Variants in KIAA1549 observed in about 807,000 individuals in gnomAD.
KIAA1549 encodes the protein UPF0606 protein KIAA1549.
KIAA1549 carries 70 observed loss-of-function variants against 156.4 expected under a neutral mutation model. That is an observed-to-expected ratio of 0.45 (90% CI 0.37 to 0.55). KIAA1549 has a LOEUF of 0.55. Among genes scored for constraint, KIAA1549 ranks in the 20% least tolerant of loss-of-function variants. KIAA1549 has a pLI of 0.00. For missense variants in KIAA1549, 2,428 were observed against 2,540.9 expected (o/e 0.96, Z 0.96); for synonymous variants, 1,103 against 1,066.4 (o/e 1.03, Z -0.67).
At chr7:138,892,778 G>T (rs568212518) in intron 10 of KIAA1549, among the ~76,000 whole-genome samples, 1 of 152,106 alleles carries the variant, frequency 6.6e-6, no homozygotes, top group Admixed American at 6.5e-5. Flanking sequence ...CATTCGACAG[G>T]TCTAGGTTTG....
At chr7:138,979,539 C>A (rs1428487532) in intron 1 of KIAA1549, among the ~76,000 whole-genome samples, 1 of 152,162 alleles carries the variant, frequency 6.6e-6, no homozygotes, top group East Asian at 1.9e-4. Flanking sequence ...CAACATCTGG[C>A]ACACAAAAAG....
chr7:138,905,459 G>C (rs11760391), intron 6 of KIAA1549, among the ~76,000 whole-genome samples: 23,388 of 152,230 alleles, frequency 0.15, 2,117 homozygotes, highest in Middle Eastern at 0.26. Context: ...CCCAGGACCA[G>C]CCAGTGTGCC....
At chr7:138,923,924 T>C (rs1469267574) in intron 1 of KIAA1549, among the ~76,000 whole-genome samples, 1 of 152,196 alleles carries the variant, frequency 6.6e-6, no homozygotes, top group Non-Finnish European at 1.5e-5. Flanking sequence ...AAACCACATA[T>C]AAAATGCTTA....
chr7:138,927,141 C>T (rs1812741942), intron 1 of KIAA1549, among the ~76,000 whole-genome samples: 1 of 152,142 alleles, frequency 6.6e-6, no homozygotes, highest in South Asian at 2.1e-4. Context: ...CTTTTTTGTA[C>T]ATAATTTTTT....
At chr7:138,844,606 G>T (rs1810020959) in intron 17 of KIAA1549, 132 bp from the exon 18 acceptor site, 2 of 835,934 alleles carry the variant, frequency 2.4e-6, no homozygotes, top group Non-Finnish European at 3.4e-6. Flanking sequence ...TCTCCTGGAA[G>T]GGGAAGAGAT....
At chr7:138,932,617 G>A (rs1812903283) in intron 1 of KIAA1549, among the ~76,000 whole-genome samples, 1 of 152,200 alleles carries the variant, frequency 6.6e-6, no homozygotes, top group South Asian at 2.1e-4. Flanking sequence ...GGGGCAAGAG[G>A]AGATGTAGAG....
chr7:138,917,206 G>A lies in KIAA1549; in HGVS notation c.2420C>T (p.Thr807Ile), dbSNP rs1042370465. The A allele has an allele frequency of 1.5e-5, 25 of 1,613,884 alleles. No homozygotes were observed. The highest frequency in any genetic ancestry group is 5.3e-5 in the African/African-American group (4 of 74,944). ...GATTTGGTCGTCAGGAGGTGTCAGAGTTGAGAACAAAGAAGACTCAGTTAA... is the reference window on the plus strand; with the variant it reads ...GATTTGGTCGTCAGGAGGTGTCAGAATTGAGAACAAAGAAGACTCAGTTAA... ...PILTESSLFS[T>I]LTPPDDQISA... The change falls in exon 2 of 20, where the codon ACT becomes ATT. Residue 807 changes from threonine (T) to isoleucine (I), a missense_variant. This residue lies in a region of KIAA1549 where 762 missense variants were observed against 901.6 expected (regional missense o/e 0.85). Coordinates refer to ENST00000422774, the MANE Select transcript of KIAA1549 (RefSeq NM_001164665.2).
intron 15 of KIAA1549, among the ~76,000 whole-genome samples, chr7:138,867,499 G>A (rs556832379): frequency 1.3e-5 from 2 of 151,562 alleles, no homozygotes; most frequent in South Asian, 2.1e-4. Flanking sequence ...AGGCTACAGT[G>A]AGCCTGGATC....
At chr7:138,898,028 G>A (rs140179302) in intron 9 of KIAA1549, among the ~76,000 whole-genome samples, 3 of 151,692 alleles carry the variant, frequency 2.0e-5, no homozygotes, top group African/African-American at 4.8e-5. Flanking sequence ...AGGTGGGGCC[G>A]GGTGCAGTGG....
In KIAA1549 at chr7:138,960,707, C is replaced by T. The variant is rs533205047; in HGVS notation, c.187+20376G>A. Reference sequence around the variant, plus strand: ...CCCCAGGCTGGAGCCCAGGCTGCCACGGCAGGCACCTCACAGAAGCGTATC... The same window carrying T: ...CCCCAGGCTGGAGCCCAGGCTGCCATGGCAGGCACCTCACAGAAGCGTATC... On this transcript the variant is annotated intron_variant, in intron 1 of 19. Transcript: ENST00000422774. Among the ~76,000 whole-genome samples, 6 of 151,520 alleles carry T rather than the reference C, an allele frequency of 4.0e-5. No homozygotes were observed. In the South Asian group the frequency reaches 8.3e-4, roughly 21 times the overall value.
At position 138,836,056 on chromosome 7, in the gene KIAA1549, G is replaced by A. The variant is rs1809697472; in HGVS notation, c.*1850C>T. 4.7e-6 allele frequency: 1 copy of A among 212,510 alleles called. No homozygotes were observed. Among genetic ancestry groups the A allele is most frequent in the African/African-American group, 2.3e-5 (1 of 44,088 alleles). 13.2% of individuals were successfully genotyped at this position (212,510 alleles called of 1,614,324 possible). On this transcript the variant is annotated 3_prime_UTR_variant, in exon 20 of 20. Transcript: ENST00000422774. The stretch of plus-strand genomic sequence containing the variant: ...TTTGAAATCCAGTGATTACACTTTG[G>A]AAACCTGTTTTAGCTGTTTCAGGGG...
chr7:138,871,285 G>T lies in KIAA1549; in HGVS notation c.4423C>A (p.Pro1475Thr), dbSNP rs1810928313. ...GGGACCCGCCGGCTAGCCTCCGGGG[G>T]GCGGGAGATCCTGTCCACGTGCTCG... Reference protein sequence around the residue: ...IFEHVDRISRPPEASRRVPSK... With the variant: ...IFEHVDRISRTPEASRRVPSK... The change falls in exon 13 of 20, where the codon CCC becomes ACC. Residue 1475 changes from proline (P) to threonine (T), a missense_variant. Pro to Thr is a conservative substitution (Grantham distance 38, BLOSUM62 -1). Transcript: ENST00000422774. 6.2e-7 allele frequency: 1 copy of T among 1,610,168 alleles called. No individual in the cohort carries two copies. Among genetic ancestry groups the T allele is most frequent in the Admixed American group, 1.7e-5 (1 of 59,606 alleles).
At position 138,869,382 on chromosome 7, in the gene KIAA1549, G is replaced by C. The variant is rs546486091; in HGVS notation, c.4775+156C>G. Among the ~76,000 whole-genome samples, 13 of 152,336 alleles carry C rather than the reference G, an allele frequency of 8.5e-5. No individual in the cohort carries two copies. The South Asian group carries it at 2.5e-3, about 29-fold the overall frequency. The stretch of plus-strand genomic sequence containing the variant: ...GGCCTCCACATCCTTCTGTGCATGA[G>C]CCCCTTCAACTGTCTTCAGAGACCT... On this transcript the variant is annotated intron_variant, in intron 14 of 19. Transcript: ENST00000422774.
At chr7:138,919,596 A>C (rs1206754738) in intron 1 of KIAA1549, 158 bp from the exon 2 acceptor site, 2 of 1,234,710 alleles carry the variant, frequency 1.6e-6, no homozygotes, top group Non-Finnish European at 2.2e-6. Flanking sequence ...TGGAAACGAG[A>C]AATTGACAGA....
chr7:138,845,120 C>A (rs569104108), intron 17 of KIAA1549, among the ~76,000 whole-genome samples: 1 of 152,064 alleles, frequency 6.6e-6, no homozygotes, highest in South Asian at 2.1e-4. Context: ...GATTGTATCG[C>A]TATTTACCAG....
chr7:138,951,367 C>G (rs2774970), intron 1 of KIAA1549, among the ~76,000 whole-genome samples: 38,948 of 152,080 alleles, frequency 0.26, 5,911 homozygotes, highest in African/African-American at 0.42. Context: ...CAGTGGTCCT[C>G]TCTCCCTAGC....
At position 138,939,754 on chromosome 7, in the gene KIAA1549, C is replaced by T. The variant is rs75660907; in HGVS notation, c.188-20316G>A. ...GCCCTTTTCATCCATTACAAGGCTC[C>T]TCATCAACTCTTCACATAATGACTA... On this transcript the variant is annotated intron_variant, in intron 1 of 19. Transcript: ENST00000422774. Among the ~76,000 whole-genome samples, 1,242 of 152,302 alleles carry T rather than the reference C, an allele frequency of 8.2e-3. 24 individuals are homozygous for T. Among genetic ancestry groups the T allele is most frequent in the African/African-American group, 0.029 (1,196 of 41,570 alleles).
chr7:138,914,006 A>AGAAGGAAG, intron 2 of KIAA1549, among the ~76,000 whole-genome samples: 1 of 140,728 alleles, frequency 7.1e-6, no homozygotes. Context: ...GGAGAAGGAA[A>AGAAGGAAG]GAAGGAAGGA....
rs1031641325 is a variant in KIAA1549, at chr7:138,831,624, G to A, written c.*6282C>T. 4.4e-6 allele frequency: 1 copy of A among 229,018 alleles called. No individual in the cohort carries two copies. Among genetic ancestry groups the A allele is most frequent in the African/African-American group, 2.2e-5 (1 of 45,120 alleles). The allele number at this position is 229,018 out of a possible 1,614,324, so 14.2% of individuals were successfully genotyped here. ...GCCTGTTTGAGGACCAGCAAACCAT[G>A]ATTGTCAAGTTTAAGTTGCAGTATT... On this transcript the variant is annotated 3_prime_UTR_variant, in exon 20 of 20. Coordinates refer to ENST00000422774, the MANE Select transcript of KIAA1549 (RefSeq NM_001164665.2).
Sources: allele counts gnomAD v4.1 joint callset (sites outside exome capture counted in the v4.1 genomes callset), GRCh38; gene constraint gnomAD v4.1.1; regional missense constraint gnomAD v4.1.1; transcripts MANE v1.5; gene names NCBI Gene and HGNC (gene_info 2026-07-23, HGNC 2026-07-21).